The following REXO1 variants were observed in gnomAD, a reference collection of about 807,000 sequenced individuals.
The protein encoded by REXO1 is RNA exonuclease 1 homolog.
A neutral mutation model predicts 102.6 loss-of-function variants in REXO1; 42 were observed. The observed-to-expected ratio is 0.41, with a 90% CI of 0.32 to 0.53. The LOEUF is 0.53. REXO1 is among the 20% of genes least tolerant of loss of function. REXO1 has a pLI of 0.27. For missense variants in REXO1, 1,819 were observed against 1,732.5 expected, an observed-to-expected ratio of 1.05 and a Z score of -0.89; for synonymous variants, 908 against 779.1, an observed-to-expected ratio of 1.17 and a Z score of -2.76.
At chr19:1,847,576 C>T (rs192810988) in intron 1 of REXO1, among the ~76,000 whole-genome samples, 266 of 152,338 alleles carry the variant, frequency 1.7e-3, no homozygotes, top group Middle Eastern at 6.8e-3. Context: ...ACCACCATGA[C>T]GCTGTGAGGT....
chr19:1,839,117 G>A (rs1028927380), intron 1 of REXO1, among the ~76,000 whole-genome samples: 6 of 152,062 alleles, frequency 3.9e-5, no homozygotes, highest in Non-Finnish European at 5.9e-5. Context: ...TTAGCTGGGC[G>A]TGGCGGCGTG....
chr19:1,834,671 G>A (rs2069991065), intron 1 of REXO1, among the ~76,000 whole-genome samples: 1 of 152,136 alleles, frequency 6.6e-6, no homozygotes, highest in African/African-American at 2.4e-5. Context: ...TCTCGCCTCG[G>A]CCTCCCAAAG....
rs1327812464 is a variant in REXO1 at position 1,828,047 on chromosome 19, C to A, written c.742G>T (p.Ala248Ser). Residue 248 changes from alanine to serine, a missense_variant, in exon 2 of 16, where the codon GCC (alanine) becomes TCC (serine). By Grantham distance (99) the Ala-to-Ser change is moderately conservative. Coordinates refer to ENST00000170168, the MANE Select transcript of REXO1 (RefSeq NM_020695.4). ...GCGGCCCGCTCATCCCGGGAGCTGG[C>A]CCTGCTGAGGTGCCGGGCCGAGTAG... ...SNYSARHLSR[A>S]SSRDERAAKR... is the part of the protein sequence containing the mutation. 17 of 1,612,856 alleles carry A rather than the reference C, an allele frequency of 1.1e-5. No homozygotes were observed. Among genetic ancestry groups the A allele is most frequent in the Non-Finnish European group, 1.4e-5 (17 of 1,179,794 alleles).
rs545227837 is a variant in REXO1 at position 1,828,701 on chromosome 19, G to C, written c.158-70C>G. The C allele has an allele frequency of 3.4e-5, 51 of 1,480,494 alleles. No homozygotes were observed. The African/African-American group carries it at 7.0e-4, about 20-fold the overall frequency. 91.7% of individuals were successfully genotyped at this position (1,480,494 alleles called of 1,614,324 possible). A position where few individuals can be genotyped will look rare whatever the true frequency, so the allele number is the denominator to read the frequency against. ...GAGCCCGCAGCATGGGGGCGGCCCC[G>C]GTCTCAAACTGCAGGGAAGGGAAGA... On this transcript the variant is annotated intron_variant, in intron 1 of 15. Transcript: ENST00000170168.
chr19:1,838,345 G>A (rs1309964789), intron 1 of REXO1, among the ~76,000 whole-genome samples: 6 of 151,278 alleles, frequency 4.0e-5, no homozygotes, highest in Admixed American at 2.0e-4. Context: ...CCAGCTGGGC[G>A]TGGTGGCTCA....
At chr19:1,832,318 G>A (rs8102879) in intron 1 of REXO1, among the ~76,000 whole-genome samples, 47,042 of 152,048 alleles carry the variant, frequency 0.31, 8,355 homozygotes, top group African/African-American at 0.47. Flanking sequence ...CCAGCCCAGC[G>A]CTGAGAGAGA....
Position 1,827,054 on chromosome 19 carries a change from C to T in REXO1, c.1735G>A (p.Ala579Thr), listed in dbSNP as rs201407087. Residue 579 changes from alanine to threonine, a missense_variant, in exon 2 of 16, where the codon GCC becomes ACC. Ala to Thr is a moderately conservative substitution (Grantham distance 58). Coordinates refer to ENST00000170168, the MANE Select transcript of REXO1 (RefSeq NM_020695.4). ...GAGGAGGAGGAGGAGGAGGATGGGG[C>T]GGGGGAGGGGGGCGGGGAGGCCTTG... The part of the protein sequence containing the change: ...RLKASPPPSP[A>T]PSSSSSSSSS... The T allele has an allele frequency of 7.5e-5, 56 of 744,342 alleles. No individual in the cohort carries two copies. The highest frequency in any genetic ancestry group is 2.8e-4 in the Admixed American group (11 of 39,884). The allele number at this position is 744,342 out of a possible 1,614,324, so 46.1% of individuals were successfully genotyped here.
intron 3 of REXO1, 80 bp from the exon 4 acceptor site, chr19:1,823,865 G>A (rs2069625727): frequency 1.6e-6 from 1 of 612,040 alleles, no homozygotes; most frequent in Admixed American, 4.4e-5. Context: ...CTTGGGAGAG[G>A]GTGGCTGGAG....
At chr19:1,842,956 T>C (rs939481453) in intron 1 of REXO1, among the ~76,000 whole-genome samples, 13 of 152,134 alleles carry the variant, frequency 8.5e-5, no homozygotes, top group African/African-American at 3.1e-4. Context: ...GGGGGAGAGC[T>C]GCCAGCACAA....
chr19:1,825,959 G>T lies in REXO1; in HGVS notation c.1912-16C>A. The stretch of plus-strand genomic sequence containing the variant: ...CCTTGGGGGGCTAAGACACATGTCC[G>T]TCCGTCAGCACAGGTCTGCCCTCGC... On this transcript the variant is annotated splice_polypyrimidine_tract_variant and intron_variant, in intron 2 of 15. Coordinates refer to ENST00000170168, the MANE Select transcript of REXO1 (RefSeq NM_020695.4). The T allele has an allele frequency of 6.3e-7, 1 of 1,582,006 alleles. No individual in the cohort carries two copies. Among genetic ancestry groups the T allele is most frequent in the Non-Finnish European group, 8.7e-7 (1 of 1,151,458 alleles).
intron 1 of REXO1, among the ~76,000 whole-genome samples, chr19:1,840,497 C>A (rs2011229775): frequency 6.6e-6 from 1 of 152,326 alleles, no homozygotes; most frequent in Admixed American, 6.5e-5. Flanking sequence ...AAGCCCAGAG[C>A]AGGAGAACAT....
chr19:1,828,684 A>G (rs2145287803), intron 1 of REXO1, 53 bp from the exon 2 acceptor site: 1 of 1,530,842 alleles, frequency 6.5e-7, no homozygotes, highest in East Asian at 2.4e-5. Context: ...AGGAGCCCGC[A>G]GCATGGGGGC....
chr19:1,827,061 G>C lies in REXO1; in HGVS notation c.1728C>G (p.Pro576=), dbSNP rs901239404. Residue 576 remains proline (P), a synonymous_variant, in exon 2 of 16, where the codon CCC becomes CCG. Coordinates refer to ENST00000170168, the MANE Select transcript of REXO1 (RefSeq NM_020695.4). ...AGGAGGAGGAGGATGGGGCGGGGGAGGGGGGCGGGGAGGCCTTGAGCCGCT... is the reference window on the plus strand; with the variant it reads ...AGGAGGAGGAGGATGGGGCGGGGGACGGGGGCGGGGAGGCCTTGAGCCGCT... ...PPKRLKASPP[P]SPAPSSSSSS... is the part of the protein sequence containing the mutation. The C allele has an allele frequency of 2.9e-5, 29 of 992,130 alleles. No individual in the cohort carries two copies. Among genetic ancestry groups the C allele is most frequent in the Non-Finnish European group, 4.5e-5 (29 of 643,136 alleles). 61.5% of individuals were successfully genotyped at this position (992,130 alleles called of 1,614,324 possible).
chr19:1,843,973 C>T (rs1160840752), intron 1 of REXO1, among the ~76,000 whole-genome samples: 2 of 152,340 alleles, frequency 1.3e-5, no homozygotes, highest in Non-Finnish European at 2.9e-5. Flanking sequence ...TCGCCTGACT[C>T]GGGGCCTCAG....
chr19:1,834,985 G>A (rs2070000319), intron 1 of REXO1: 1 of 434,358 alleles, frequency 2.3e-6, no homozygotes, highest in Non-Finnish European at 4.7e-6. Flanking sequence ...CCTGGCCTGG[G>A]CGCTCCAGCC....
At position 1,827,410 on chromosome 19, in the gene REXO1, G is replaced by C. The variant is rs1167262414; in HGVS notation, c.1379C>G (p.Pro460Arg). 40 of 1,542,858 alleles carry C rather than the reference G, an allele frequency of 2.6e-5. No individual in the cohort carries two copies. In the East Asian group the frequency reaches 9.2e-4, roughly 36 times the overall value. Reference sequence around the variant, plus strand: ...CGCCGGTCGGGAGTCCCCGCTTGTGGGGCTCGGCCGCCGCGCTGGCCGGTC... The same window carrying C: ...CGCCGGTCGGGAGTCCCCGCTTGTGCGGCTCGGCCGCCGCGCTGGCCGGTC... ...RPDRPARRPSPTSGDSRPAAG... is the reference protein window; with the variant it reads ...RPDRPARRPSRTSGDSRPAAG... The change falls in exon 2 of 16, where the codon CCC becomes CGC. Residue 460 changes from proline (P) to arginine (R), a missense_variant. By Grantham distance (103) the Pro-to-Arg change is moderately radical. Coordinates refer to ENST00000170168, the MANE Select transcript of REXO1 (RefSeq NM_020695.4).
In REXO1 at chr19:1,836,821, C is replaced by T. The variant is rs562491854; in HGVS notation, c.158-8190G>A. Among the ~76,000 whole-genome samples the T allele has an allele frequency of 3.9e-5, 6 of 151,900 alleles. No individual in the cohort carries two copies. In the East Asian group the frequency reaches 1.2e-3, roughly 29 times the overall value. Reference sequence around the variant, plus strand: ...GACACCGTTCGGTGGGCCCGCAGGGCTCTCAACGCAACCAGGCATCAGCAG... The same window carrying T: ...GACACCGTTCGGTGGGCCCGCAGGGTTCTCAACGCAACCAGGCATCAGCAG... On this transcript the variant is annotated intron_variant, in intron 1 of 15. Coordinates refer to ENST00000170168, the MANE Select transcript of REXO1 (RefSeq NM_020695.4).
At position 1,816,289 on chromosome 19, in the gene REXO1, G is replaced by A. The variant is rs1181525255; in HGVS notation, c.3513C>T (p.Leu1171=). The A allele has an allele frequency of 6.3e-7, 1 of 1,588,948 alleles. No individual in the cohort carries two copies. Among genetic ancestry groups the A allele is most frequent in the Non-Finnish European group, 8.6e-7 (1 of 1,168,166 alleles). ...GGTTCCGCAGGGACCGCTTGTAGGG[G>A]AGGCCCAGGCGGTGGGGGAAGAGCA... ...TSVLFPHRLG[L]PYKRSLRNLM... Residue 1171 remains leucine (L), a synonymous_variant, in exon 15 of 16, where the codon CTC becomes CTT. Transcript: ENST00000170168.
In REXO1 at chr19:1,833,281, T is replaced by G. The variant is rs2069954270; in HGVS notation, c.158-4650A>C. Among the ~76,000 whole-genome samples, 3 of 152,194 alleles carry G rather than the reference T, an allele frequency of 2.0e-5. No homozygotes were observed. The South Asian group carries it at 6.2e-4, about 32-fold the overall frequency. ...AAGAGGAAGGATCCGTGTGTCTGTT[T>G]TGGACCACTCGGAACTCCGCGGGAC... On this transcript the variant is annotated intron_variant, in intron 1 of 15. Coordinates refer to ENST00000170168, the MANE Select transcript of REXO1 (RefSeq NM_020695.4).
Sources: gnomAD v4.1 joint callset for allele counts (sites outside exome capture counted in the v4.1 genomes callset) on GRCh38, gnomAD v4.1.1 for gene constraint, MANE v1.5 for transcripts, NCBI Gene and HGNC (gene_info 2026-07-23, HGNC 2026-07-21) for gene names.